The following STK10 variants were observed in gnomAD, a reference collection of about 807,000 sequenced individuals.
STK10 encodes the protein serine/threonine-protein kinase 10.
In STK10, 78 loss-of-function variants were observed where a neutral mutation model predicts 113.8. The ratio of observed to expected loss-of-function variants is 0.69; its 90% CI spans 0.57 to 0.83. The LOEUF (loss-of-function observed/expected upper bound fraction) is 0.83. Among genes scored for constraint, STK10 ranks in the 40% least tolerant of loss-of-function variants. The pLI, the probability that STK10 is intolerant of heterozygous loss-of-function variation, is 0.00. For missense variants in STK10, 1,109 were observed against 1,280.1 expected (o/e 0.87, Z 2.04); for synonymous variants, 465 against 494.7 (o/e 0.94, Z 0.80).
At chr5:172,127,287 C>T (rs1447529946) in intron 3 of STK10, 86 bp downstream of exon 3, 2 of 1,494,278 alleles carry the variant, frequency 1.3e-6, no homozygotes, top group South Asian at 1.2e-5. Context: ...AGGTCCCAGT[C>T]CTAGACAGAG....
rs151090559 is a variant in STK10 at position 172,062,390 on chromosome 5, A to G, written c.2083-1122T>C. Among the ~76,000 whole-genome samples the G allele has an allele frequency of 4.0e-3, 602 of 152,316 alleles. 7 individuals are homozygous for G. The highest frequency in any genetic ancestry group is 0.014 in the African/African-American group (573 of 41,566). On this transcript the variant is annotated intron_variant, in intron 13 of 18. Coordinates refer to ENST00000176763, the MANE Select transcript of STK10 (RefSeq NM_005990.4). ...TGTCTATACAAGTGTATCTATAGCTATTGTTATTGCTGTGTTACAAAAATT... is the reference window on the plus strand; with the variant it reads ...TGTCTATACAAGTGTATCTATAGCTGTTGTTATTGCTGTGTTACAAAAATT...
At chr5:172,111,081 T>C (rs1769227888) in intron 4 of STK10, among the ~76,000 whole-genome samples, 1 of 152,074 alleles carries the variant, frequency 6.6e-6, no homozygotes, top group Non-Finnish European at 1.5e-5. Context: ...GCAAGTGAGG[T>C]GCAGAAGCAG....
At position 172,117,518 on chromosome 5, in the gene STK10, G is replaced by T. The variant is rs1490877326; in HGVS notation, c.483C>A (p.Gly161=). The T allele has an allele frequency of 1.2e-6, 2 of 1,612,968 alleles. No homozygotes were observed. The highest frequency in any genetic ancestry group is 2.2e-5 in the South Asian group (2 of 91,030). The change falls in exon 4 of 19, where the codon GGC becomes GGA. Residue 161 remains glycine, a synonymous_variant. Transcript: ENST00000176763. ...KRIIHRDLKA[G]NVLMTLEGDI... ...CTCCCTCGAGGGTCATCAGCACGTT[G>T]CCAGCTTTCAGATCTCGGTGGATGA...
chr5:172,105,933 C>T (rs557877496), intron 6 of STK10, among the ~76,000 whole-genome samples, 196 bp from the exon 7 acceptor site: 3 of 152,182 alleles, frequency 2.0e-5, no homozygotes, highest in African/African-American at 7.2e-5. Flanking sequence ...CAGACATCGG[C>T]GAGGAGCAGG....
intron 13 of STK10, chr5:172,061,520 C>T (rs572327044): frequency 6.0e-4 from 201 of 333,230 alleles, no homozygotes; most frequent in African/African-American, 3.9e-3. Flanking sequence ...GGCATGATCT[C>T]GGCTCACTGC....
At chr5:172,047,478 T>C (rs950479753) in intron 18 of STK10, among the ~76,000 whole-genome samples, 3 of 152,222 alleles carry the variant, frequency 2.0e-5, no homozygotes, top group Non-Finnish European at 4.4e-5. Context: ...GGAACATTAT[T>C]GACTTGACTG....
rs2113850937 is a variant in STK10, at chr5:172,187,861, C to T, written c.156+26G>A. 2 of 1,609,926 alleles carry T rather than the reference C, an allele frequency of 1.2e-6. No individual in the cohort carries two copies. The highest frequency in any genetic ancestry group is 1.7e-4 in the Middle Eastern group (1 of 6,046). ...CCTTCCGGAGCCCCTCGACGCGCGTCCGGCCACCCACCTCAGCGCCCTCAC... is the reference window on the plus strand; with the variant it reads ...CCTTCCGGAGCCCCTCGACGCGCGTTCGGCCACCCACCTCAGCGCCCTCAC... On this transcript the variant is annotated intron_variant, in intron 1 of 18. Coordinates refer to ENST00000176763, the MANE Select transcript of STK10 (RefSeq NM_005990.4). This position sits in a 1 kb window ranked among gnomAD's most constrained non-coding sequence, Gnocchi z 4.6.
In STK10 at chr5:172,061,067, C is replaced by A. The variant is rs114743541; in HGVS notation, c.2212+72G>T. On this transcript the variant is annotated intron_variant, in intron 14 of 18. Coordinates refer to ENST00000176763, the MANE Select transcript of STK10 (RefSeq NM_005990.4). ...AGGCCTGGGAGGTTCTTGTTGCCCA[C>A]CCCACTTCCCAGGGCTGGGATGTCC... 2.6e-4 allele frequency: 398 copies of A among 1,504,456 alleles called. 2 individuals are homozygous for A. The African/African-American group carries it at 5.2e-3, about 20-fold the overall frequency. 93.2% of individuals were successfully genotyped at this position (1,504,456 alleles called of 1,614,324 possible).
chr5:172,161,407 C>T (rs1333400819), intron 1 of STK10, among the ~76,000 whole-genome samples: 2 of 150,442 alleles, frequency 1.3e-5, no homozygotes, highest in Non-Finnish European at 3.0e-5. Flanking sequence ...GAGCCGAGAT[C>T]ACACCACTGC....
intron 12 of STK10, among the ~76,000 whole-genome samples, chr5:172,065,535 A>G (rs952513368): frequency 6.6e-6 from 1 of 152,058 alleles, no homozygotes; most frequent in African/African-American, 2.4e-5. Flanking sequence ...GAGAATGCAT[A>G]CTTTAGTATC....
At chr5:172,150,064 A>G (rs1365211987) in intron 2 of STK10, among the ~76,000 whole-genome samples, 44 of 150,138 alleles carry the variant, frequency 2.9e-4, no homozygotes, top group Non-Finnish European at 4.3e-4. Flanking sequence ...AAAAAAAAAA[A>G]AAAGAAAGAA....
At chr5:172,177,330 T>A (rs1440465912) in intron 1 of STK10, among the ~76,000 whole-genome samples, 1 of 152,186 alleles carries the variant, frequency 6.6e-6, no homozygotes, top group Non-Finnish European at 1.5e-5. Context: ...GCCTCCAAAC[T>A]ATGTGAAATA....
At chr5:172,141,775 A>T (rs1422003130) in intron 2 of STK10, among the ~76,000 whole-genome samples, 2 of 151,890 alleles carry the variant, frequency 1.3e-5, no homozygotes, top group African/African-American at 4.8e-5. Flanking sequence ...AGGGTGTCTG[A>T]TGGGGGATGT....
intron 3 of STK10, among the ~76,000 whole-genome samples, chr5:172,125,799 C>G (rs1169254629): frequency 2.0e-5 from 3 of 152,176 alleles, no homozygotes; most frequent in Non-Finnish European, 4.4e-5. Flanking sequence ...TATGAAGCGC[C>G]TTGAAGTTTT....
intron 5 of STK10, 127 bp from the exon 6 acceptor site, chr5:172,106,941 G>A (rs1015124530): frequency 3.3e-6 from 3 of 919,160 alleles, no homozygotes; most frequent in African/African-American, 3.4e-5. Context: ...CATGATCTGC[G>A]TGACTTTGCA....
At chr5:172,095,658 C>T (rs553384449) in intron 8 of STK10, among the ~76,000 whole-genome samples, 6 of 152,356 alleles carry the variant, frequency 3.9e-5, no homozygotes, top group African/African-American at 1.2e-4. Context: ...TGAGGGTCTG[C>T]GCCAGCCTCA....
At chr5:172,110,433 G>A (rs994958193) in intron 4 of STK10, among the ~76,000 whole-genome samples, 1 of 152,206 alleles carries the variant, frequency 6.6e-6, no homozygotes, top group Non-Finnish European at 1.5e-5. Context: ...GGTGGCGACA[G>A]GCACCTGGCA....
At chr5:172,100,475 T>G (rs1768963007) in intron 7 of STK10, among the ~76,000 whole-genome samples, 1 of 152,050 alleles carries the variant, frequency 6.6e-6, no homozygotes, top group African/African-American at 2.4e-5. Flanking sequence ...GGTCCTATAC[T>G]CCAAGATGGG....
chr5:172,087,623 A>ATT (rs1203616701), intron 10 of STK10, among the ~76,000 whole-genome samples: 10 of 85,168 alleles, frequency 1.2e-4, no homozygotes, highest in East Asian at 9.5e-4. Flanking sequence ...TTACTTATTT[A>ATT]TTTTTTTTTT....
Sources: allele counts gnomAD v4.1 joint callset (sites outside exome capture counted in the v4.1 genomes callset), GRCh38; gene constraint gnomAD v4.1.1; non-coding constraint Gnocchi (gnomAD v3.1); transcripts MANE v1.5; gene names NCBI Gene and HGNC (gene_info 2026-07-23, HGNC 2026-07-21).